RSAD2: variants seen among roughly 807,000 people sequenced by gnomAD.
RSAD2 encodes S-adenosylmethionine-dependent nucleotide dehydratase RSAD2.
Under a neutral mutation model 37.7 loss-of-function variants are expected in RSAD2, and 38 were observed. The observed-to-expected ratio is 1.01, with a 90% CI of 0.78 to 1.32. The LOEUF (loss-of-function observed/expected upper bound fraction) is 1.32, where lower values mean the gene tolerates loss of function less well. Among genes scored for constraint, RSAD2 ranks in the 40% most tolerant of loss-of-function variants. RSAD2 has a pLI of 0.00. For synonymous variants in RSAD2, 163 were observed against 157.4 expected (o/e 1.04, Z -0.27); for missense variants, 428 against 437.5 (o/e 0.98, Z 0.19).
At chr2:6,876,473 C>T (rs536782146), upstream of RSAD2, among the ~76,000 whole-genome samples, 112 of 152,282 alleles carry the variant, frequency 7.4e-4, no homozygotes, top group Middle Eastern at 6.8e-3. Context: ...TAACAGGTGC[C>T]TGTATGCCTC....
chr2:6,885,816 C>T (rs1331451790), intron 2 of RSAD2, among the ~76,000 whole-genome samples: 7 of 152,154 alleles, frequency 4.6e-5, no homozygotes, highest in Non-Finnish European at 5.9e-5. Flanking sequence ...ATCAGGTGCT[C>T]AGTTACTTGC....
chr2:6,883,276 A>C, intron 1 of RSAD2, 95 bp from the exon 2 acceptor site: 6 of 1,388,752 alleles, frequency 4.3e-6, no homozygotes, highest in African/African-American at 2.9e-5. Flanking sequence ...AGAAAGTTTT[A>C]TTTCTTTTTT....
intron 1 of RSAD2, among the ~76,000 whole-genome samples, chr2:6,882,255 A>G (rs766975598): frequency 2.0e-5 from 3 of 152,200 alleles, no homozygotes; most frequent in African/African-American, 7.2e-5. Context: ...CACAGAGAGT[A>G]TGTAGGAAGA....
chr2:6,891,869 G>A (rs147485953), intron 4 of RSAD2, among the ~76,000 whole-genome samples: 2 of 152,142 alleles, frequency 1.3e-5, no homozygotes, highest in African/African-American at 4.8e-5. Context: ...AGAATGAAAT[G>A]TTACACTGAC....
chr2:6,873,311 T>C (rs1479432417), upstream of RSAD2, among the ~76,000 whole-genome samples: 4 of 152,242 alleles, frequency 2.6e-5, no homozygotes, highest in African/African-American at 9.6e-5. Context: ...TTCAACGTAC[T>C]AGTTTTCTTG....
rs773726975 is a variant in RSAD2 at position 6,895,776 on chromosome 2, A to G, written c.922-2A>G. Reference sequence around the variant, plus strand: ...TACCAGTTTCTGTTATGAATTTTCTAGATGCGCTTTCTGAACTGTAGAAAG... The same window carrying G: ...TACCAGTTTCTGTTATGAATTTTCTGGATGCGCTTTCTGAACTGTAGAAAG... On this transcript the variant is annotated splice_acceptor_variant, in intron 5 of 5. Transcript: ENST00000382040. LOFTEE classifies it high-confidence loss of function. 3 of 1,611,104 alleles carry G rather than the reference A, an allele frequency of 1.9e-6. No homozygotes were observed. Among genetic ancestry groups the G allele is most frequent in the African/African-American group, 1.3e-5 (1 of 74,718 alleles).
intron 4 of RSAD2, 40 bp downstream of exon 4, chr2:6,890,365 T>C (rs777072399): frequency 3.4e-5 from 54 of 1,599,226 alleles, no homozygotes; most frequent in Admixed American, 2.4e-4. Flanking sequence ...TCATCATACA[T>C]TCAGATTGAT....
chr2:6,870,544 G>T (rs1663184916), intron 1 of RSAD2, among the ~76,000 whole-genome samples: 1 of 152,084 alleles, frequency 6.6e-6, no homozygotes, highest in Non-Finnish European at 1.5e-5. Flanking sequence ...TCCCCCATAG[G>T]TCTCATCTAT....
chr2:6,881,990 A>G (rs1385916756), intron 1 of RSAD2, among the ~76,000 whole-genome samples: 7 of 152,220 alleles, frequency 4.6e-5, no homozygotes, highest in Non-Finnish European at 7.3e-5. Flanking sequence ...GCAGGCAGGT[A>G]TGTAACACAT....
chr2:6,871,357 TTCTA>T, intron 1 of RSAD2, among the ~76,000 whole-genome samples: 1 of 152,214 alleles, frequency 6.6e-6, no homozygotes. Flanking sequence ...TAAGAAAAGG[TTCTA>T]AACTATTTCT....
At chr2:6,880,313 A>G (rs2103240947) in intron 1 of RSAD2, among the ~76,000 whole-genome samples, 1 of 152,328 alleles carries the variant, frequency 6.6e-6, no homozygotes, top group East Asian at 1.9e-4. Context: ...GGCTGAGTTA[A>G]GTCAGAGCCC....
At chr2:6,893,596 C>T in intron 4 of RSAD2, 75 bp from the exon 5 acceptor site, 1 of 1,173,938 alleles carries the variant, frequency 8.5e-7, no homozygotes, top group Non-Finnish European at 1.3e-6. Flanking sequence ...AATGCAAACA[C>T]TACAGGTGGA....
intron 5 of RSAD2, among the ~76,000 whole-genome samples, chr2:6,894,509 C>G (rs982847143): frequency 3.3e-5 from 5 of 152,046 alleles, no homozygotes; most frequent in African/African-American, 9.7e-5. Flanking sequence ...TCCTGTCACC[C>G]AGGCTAGAGG....
At position 6,896,097 on chromosome 2, in the gene RSAD2, C is replaced by T. The variant is rs1416056709; in HGVS notation, c.*155C>T. The stretch of plus-strand genomic sequence containing the variant: ...TGATTACCTGTGGTCACTGAACACA[C>T]GAATAACTTGGATAGCAAATCCTGA... On this transcript the variant is annotated 3_prime_UTR_variant, in exon 6 of 6. Coordinates refer to ENST00000382040, the MANE Select transcript of RSAD2 (RefSeq NM_080657.5). 6.3e-5 allele frequency: 37 copies of T among 584,112 alleles called. 1 individual carries two copies. Among genetic ancestry groups the T allele is most frequent in the South Asian group, 1.6e-4 (5 of 31,896 alleles). The allele number at this position is 584,112 out of a possible 1,614,324, so 36.2% of individuals were successfully genotyped here.
chr2:6,881,265 A>G (rs1663393575), intron 1 of RSAD2, among the ~76,000 whole-genome samples: 1 of 152,224 alleles, frequency 6.6e-6, no homozygotes, highest in Non-Finnish European at 1.5e-5. Context: ...ATGATGGATT[A>G]TAAATAGGGA....
chr2:6,894,015 A>G (rs1663688726), intron 5 of RSAD2, among the ~76,000 whole-genome samples: 1 of 152,110 alleles, frequency 6.6e-6, no homozygotes, highest in African/African-American at 2.4e-5. Context: ...ATCACACACA[A>G]CAGAGTCATC....
chr2:6,888,470 C>T (rs1663566084), intron 3 of RSAD2, among the ~76,000 whole-genome samples: 1 of 152,202 alleles, frequency 6.6e-6, no homozygotes, highest in Non-Finnish European at 1.5e-5. Context: ...GGCTAAGCTG[C>T]CTTAGACATG....
Position 6,878,108 on chromosome 2 carries a change from A to C in RSAD2, c.308A>C (p.Glu103Ala). ...AAAACATCCTTTGTGCTGCCCCTTG[A>C]GGAAGCAAAGAGAGGATTGCTTTTG... ...TAKTSFVLPL[E>A]EAKRGLLLLK... Residue 103 changes from glutamate to alanine, a missense_variant, in exon 1 of 6, where the codon GAG (glutamate) becomes GCG (alanine). Transcript: ENST00000382040. 6.2e-7 allele frequency: 1 copy of C among 1,614,148 alleles called. No individual in the cohort carries two copies. The highest frequency in any genetic ancestry group is 8.5e-7 in the Non-Finnish European group (1 of 1,180,012).
rs531917442 is a variant in RSAD2 at position 6,871,386 on chromosome 2, G to A, written c.142+5341G>A. Among the ~76,000 whole-genome samples the A allele has an allele frequency of 2.0e-5, 3 of 152,270 alleles. No homozygotes were observed. The South Asian group carries it at 6.2e-4, about 32-fold the overall frequency. Reference sequence around the variant, plus strand: ...AAACTATTTCTCTAGACTCATCTGTGTGTTTTCTTGTCCTGTGATGAATTC... The same window carrying A: ...AAACTATTTCTCTAGACTCATCTGTATGTTTTCTTGTCCTGTGATGAATTC... On this transcript the variant is annotated intron_variant, in intron 1 of 5. Transcript: ENST00000442639.
Sources: allele counts gnomAD v4.1 joint callset (sites outside exome capture counted in the v4.1 genomes callset), GRCh38; gene constraint gnomAD v4.1.1; transcripts MANE v1.5; gene names NCBI Gene and HGNC (gene_info 2026-07-23, HGNC 2026-07-21).